The following ANLN variants were observed in gnomAD, a reference collection of about 807,000 sequenced individuals.
The protein encoded by ANLN is anillin.
In ANLN, 59 loss-of-function variants were observed where a neutral mutation model predicts 135.1. That is an observed-to-expected ratio of 0.44 (90% confidence interval 0.35 to 0.54). The LOEUF is 0.54. ANLN is among the 20% of genes least tolerant of loss of function. ANLN has a pLI of 0.00. For synonymous variants in ANLN, 406 were observed against 456.4 expected, an observed-to-expected ratio of 0.89 and a Z score of 1.41; for missense variants, 1,182 against 1,340.0, an observed-to-expected ratio of 0.88 and a Z score of 1.84.
chr7:36,406,241 C>T lies in ANLN; in HGVS notation c.548C>T (p.Pro183Leu), dbSNP rs755450565. The change falls in exon 4 of 24, where the codon CCT (proline) becomes CTT (leucine). Residue 183 changes from proline (P) to leucine (L), a missense_variant. Coordinates refer to ENST00000265748, the MANE Select transcript of ANLN (RefSeq NM_018685.5). ...PMPSEEKAAS[P>L]PRPLLSNASA... The stretch of plus-strand genomic sequence containing the variant: ...CCATCAGAGGAAAAGGCTGCTTCCC[C>T]TCCCAGACCTCTGCTTTCAAATGCC... 6.8e-6 allele frequency: 11 copies of T among 1,613,778 alleles called. No homozygotes were observed. Among genetic ancestry groups the T allele is most frequent in the Non-Finnish European group, 9.3e-6 (11 of 1,179,638 alleles).
Position 36,422,655 on chromosome 7 carries a change from T to G in ANLN, c.2322T>G (p.Ile774Met), listed in dbSNP as rs1787925766. ...TAGCTGGGAAGAGAACACTTTTGATTGATGAATTGAATAAATTGAAGAACG... is the reference window on the plus strand; with the variant it reads ...TAGCTGGGAAGAGAACACTTTTGATGGATGAATTGAATAAATTGAAGAACG... ...LIATGKRTLL[I>M]DELNKLKNEG... is the part of the protein sequence containing the mutation. The change falls in exon 14 of 24, where the codon ATT becomes ATG. Residue 774 changes from isoleucine (I) to methionine (M), a missense_variant. Coordinates refer to ENST00000265748, the MANE Select transcript of ANLN (RefSeq NM_018685.5). 1.2e-6 allele frequency: 2 copies of G among 1,607,580 alleles called. No homozygotes were observed. The highest frequency in any genetic ancestry group is 8.5e-7 in the Non-Finnish European group (1 of 1,178,280).
intron 21 of ANLN, among the ~76,000 whole-genome samples, chr7:36,440,593 C>T (rs1313761904): frequency 1.3e-5 from 2 of 151,970 alleles, no homozygotes; most frequent in South Asian, 2.1e-4. Flanking sequence ...ATGGGAGAGA[C>T]GTAAGCGGCT....
At chr7:36,429,979 C>G (rs764405489) in intron 20 of ANLN, among the ~76,000 whole-genome samples, 31 of 152,170 alleles carry the variant, frequency 2.0e-4, no homozygotes, top group Non-Finnish European at 4.3e-4. Flanking sequence ...CCTTCTCAGT[C>G]AGATACAGTA....
chr7:36,427,378 T>G (rs1324920663), intron 20 of ANLN, among the ~76,000 whole-genome samples: 1 of 152,206 alleles, frequency 6.6e-6, no homozygotes, highest in East Asian at 1.9e-4. Context: ...TTTGTTTTTT[T>G]GTTTTTTTGT....
At chr7:36,422,249 A>G (rs1787904986) in intron 13 of ANLN, among the ~76,000 whole-genome samples, 1 of 151,804 alleles carries the variant, frequency 6.6e-6, no homozygotes, top group African/African-American at 2.4e-5. Context: ...TGGATGAATG[A>G]ATGAATCTCT....
At chr7:36,439,475 C>A (rs1301791807) in intron 21 of ANLN, among the ~76,000 whole-genome samples, 185 bp downstream of exon 21, 1 of 152,174 alleles carries the variant, frequency 6.6e-6, no homozygotes, top group African/African-American at 2.4e-5. Flanking sequence ...AAAAATAATT[C>A]CTCTGCTCAT....
At chr7:36,420,349 G>A (rs965046340) in intron 11 of ANLN, 35 bp downstream of exon 11, 2 of 1,604,460 alleles carry the variant, frequency 1.2e-6, no homozygotes, top group African/African-American at 2.7e-5. Context: ...CACTCACTAA[G>A]GGTCATGGTT....
chr7:36,410,109 T>C (rs1027823594), intron 5 of ANLN, among the ~76,000 whole-genome samples: 3 of 152,186 alleles, frequency 2.0e-5, no homozygotes, highest in East Asian at 3.8e-4. Flanking sequence ...GTAAAATAAA[T>C]TGACTATAGA....
At chr7:36,441,393 C>T (rs992585663) in intron 21 of ANLN, among the ~76,000 whole-genome samples, 15 of 152,318 alleles carry the variant, frequency 9.8e-5, no homozygotes, top group African/African-American at 3.6e-4. Context: ...CTGTCCTCTG[C>T]CTAAACATTG....
chr7:36,411,619 A>C (rs534717791), intron 7 of ANLN, among the ~76,000 whole-genome samples: 1 of 152,160 alleles, frequency 6.6e-6, no homozygotes, highest in Non-Finnish European at 1.5e-5. Context: ...CCTTCAACAA[A>C]ATCTCTACAA....
chr7:36,423,765 G>A, intron 14 of ANLN, 52 bp from the exon 15 acceptor site: 1 of 1,532,202 alleles, frequency 6.5e-7, no homozygotes, highest in Non-Finnish European at 8.8e-7. Context: ...ATGCTGATTA[G>A]CTAAATCTGA....
chr7:36,424,222 A>G (rs1362022808), intron 15 of ANLN, among the ~76,000 whole-genome samples: 1 of 152,158 alleles, frequency 6.6e-6, no homozygotes, highest in Non-Finnish European at 1.5e-5. Context: ...CATATGCCTT[A>G]AATCTCATAA....
chr7:36,425,177 A>G (rs1788030333), intron 17 of ANLN, among the ~76,000 whole-genome samples: 1 of 152,168 alleles, frequency 6.6e-6, no homozygotes, highest in Non-Finnish European at 1.5e-5. Context: ...GCTCTAACAA[A>G]AAAGGACTAA....
rs762543496 is a variant in ANLN at position 36,424,621 on chromosome 7, TGAA to T, written c.2652+31_2652+33del. Reference sequence around the variant, plus strand: ...AAGCTGATAAAGCCTTCTAAAATAATGAAGAGTATATTTTTCTTAACAATATCA... The same window carrying T: ...AAGCTGATAAAGCCTTCTAAAATAATGAGTATATTTTTCTTAACAATATCA... On this transcript the variant is annotated intron_variant, in intron 16 of 23. Transcript: ENST00000265748. The T allele has an allele frequency of 2.1e-5, 34 of 1,598,626 alleles. No homozygotes were observed. The South Asian group carries it at 3.7e-4, about 17-fold the overall frequency.
intron 1 of ANLN, 49 bp from the exon 2 acceptor site, chr7:36,396,217 A>G: frequency 1.3e-6 from 2 of 1,490,150 alleles, no homozygotes; most frequent in Non-Finnish European, 1.8e-6. Context: ...CAATTTTATG[A>G]ACCTTTGATT....
chr7:36,406,495 T>C lies in ANLN; in HGVS notation c.802T>C (p.Ser268Pro). 6.3e-7 allele frequency: 1 copy of C among 1,589,064 alleles called. No individual in the cohort carries two copies. Among genetic ancestry groups the C allele is most frequent in the Non-Finnish European group, 8.6e-7 (1 of 1,164,558 alleles). Residue 268 changes from serine to proline, a missense_variant, in exon 4 of 24, where the codon TCT becomes CCT. Transcript: ENST00000265748. ...TFCSQRDGDA[S>P]LNKALSSSAD... ...CTGTTCCCAAAGGGATGGCGATGCC[T>C]CTTTGAATAAAGCCCTATCCTCAAG...
At chr7:36,431,633 T>TATATATATATA (rs1788334910) in intron 20 of ANLN, among the ~76,000 whole-genome samples, 7 of 136,542 alleles carry the variant, frequency 5.1e-5, no homozygotes, top group African/African-American at 1.3e-4. Context: ...TATATATATA[T>TATATATATATA]TACCATTTTA....
Position 36,424,550 on chromosome 7 carries a change from A to T in ANLN, c.2609A>T (p.Asp870Val). 6.3e-7 allele frequency: 1 copy of T among 1,597,956 alleles called. No individual in the cohort carries two copies. Among genetic ancestry groups the T allele is most frequent in the East Asian group, 2.2e-5 (1 of 44,486 alleles). Residue 870 changes from aspartate (D) to valine (V), a missense_variant, in exon 16 of 24, where the codon GAT becomes GTT. By Grantham distance (152) the Asp-to-Val change is radical. Transcript: ENST00000265748. ...LTFTTTFTLQ[D>V]VSNDFEINIE... ...TTAATGCTTTATTTTTCCAGGCAAGATGTATCCAATGACTTTGAAATAAAT... is the reference window on the plus strand; with the variant it reads ...TTAATGCTTTATTTTTCCAGGCAAGTTGTATCCAATGACTTTGAAATAAAT...
intron 20 of ANLN, among the ~76,000 whole-genome samples, chr7:36,438,708 C>G (rs544483557): frequency 6.6e-6 from 1 of 152,264 alleles, no homozygotes; most frequent in South Asian, 2.1e-4. Context: ...TTTTGCGTTA[C>G]GTTTTGAAAT....
Sources: allele counts gnomAD v4.1 joint callset (sites outside exome capture counted in the v4.1 genomes callset), GRCh38; gene constraint gnomAD v4.1.1; transcripts MANE v1.5; gene names NCBI Gene and HGNC (gene_info 2026-07-23, HGNC 2026-07-21).